CACNA2D4: variants seen among roughly 807,000 people sequenced by gnomAD.
CACNA2D4 encodes the protein voltage-dependent calcium channel subunit alpha-2/delta-4.
A neutral mutation model predicts 163.8 loss-of-function variants in CACNA2D4; 157 were observed. That is an observed-to-expected ratio of 0.96 (90% CI 0.84 to 1.09). CACNA2D4 has a LOEUF of 1.09. Among genes scored for constraint, CACNA2D4 ranks in the 50% least tolerant of loss-of-function variants. The probability of loss-of-function intolerance (pLI) is 0.00; values close to 1 mark genes in which losing one functional copy is unlikely to be tolerated. For synonymous variants in CACNA2D4, 598 were observed against 586.9 expected (o/e 1.02, Z -0.27); for missense variants, 1,410 against 1,479.9 (o/e 0.95, Z 0.78).
At chr12:1,907,654 C>T (rs1300103173) in intron 5 of CACNA2D4, 83 bp from the exon 6 acceptor site, 1 of 898,584 alleles carries the variant, frequency 1.1e-6, no homozygotes, top group Non-Finnish European at 1.4e-6. Flanking sequence ...GCCTGGTGGG[C>T]GTGTCTGGTG....
intron 9 of CACNA2D4, among the ~76,000 whole-genome samples, 190 bp from the exon 10 acceptor site, chr12:1,885,266 CTG>C (rs1239159002): frequency 2.6e-5 from 4 of 152,178 alleles, no homozygotes; most frequent in African/African-American, 7.2e-5. Context: ...CCAAGATAAA[CTG>C]AGAGAGGGGA....
chr12:1,875,176 A>C lies in CACNA2D4; in HGVS notation c.1806+75T>G. 1 of 1,038,052 alleles carries C rather than the reference A, an allele frequency of 9.6e-7. No individual in the cohort carries two copies. Among genetic ancestry groups the C allele is most frequent in the Non-Finnish European group, 1.5e-6 (1 of 659,496 alleles). 64.3% of individuals were successfully genotyped at this position (1,038,052 alleles called of 1,614,324 possible). ...CAGGAACAGAGTGACCTCAAAGCTC[A>C]CAGCCACACAGCTGACCCATTTAGT... On this transcript the variant is annotated intron_variant, in intron 17 of 37. Coordinates refer to ENST00000382722, the MANE Select transcript of CACNA2D4 (RefSeq NM_172364.5). This position sits in a 1 kb window ranked among gnomAD's most constrained non-coding sequence, Gnocchi z 4.0.
rs1316635659 is a variant in CACNA2D4, at chr12:1,879,184, T to TA, written c.1564-149dup. On this transcript the variant is annotated intron_variant, in intron 14 of 37. Coordinates refer to ENST00000382722, the MANE Select transcript of CACNA2D4 (RefSeq NM_172364.5). ...CTGCAATTAGATTCTAGGCTGGGAA[T>TA]AAAAATCTAGACTCTATCAGACGAG... is the stretch of plus-strand genomic sequence containing the variant. 1.1e-5 allele frequency: 7 copies of TA among 619,964 alleles called. No homozygotes were observed. The East Asian group carries it at 1.4e-4, about 12-fold the overall frequency. 38.4% of individuals were successfully genotyped at this position (619,964 alleles called of 1,614,324 possible). A position where few individuals can be genotyped will look rare whatever the true frequency, so the allele number is the denominator to read the frequency against.
chr12:1,794,027 T>C (rs1052576154), intron 37 of CACNA2D4, among the ~76,000 whole-genome samples: 7 of 152,126 alleles, frequency 4.6e-5, no homozygotes, highest in Non-Finnish European at 4.4e-5. Context: ...TCCTCAACTC[T>C]GGGAGCATCT....
rs1863370179 is a variant in CACNA2D4, at chr12:1,802,392, T to C, written c.2722-748A>G. ...ATTTCCAAAAAATAAAACAGGACCC[T>C]CCCTCCTGCCCCCGGCTCCCCTTTT... is the stretch of plus-strand genomic sequence containing the variant. On this transcript the variant is annotated intron_variant, in intron 29 of 37. Transcript: ENST00000382722. This position sits in a 1 kb window ranked among gnomAD's most constrained non-coding sequence, Gnocchi z 4.7. 6.6e-6 allele frequency among the ~76,000 whole-genome samples: 1 copy of C among 152,108 alleles called. No individual in the cohort carries two copies. Among genetic ancestry groups the C allele is most frequent in the South Asian group, 2.1e-4 (1 of 4,828 alleles).
chr12:1,852,049 G>T (rs1377238643), intron 23 of CACNA2D4, among the ~76,000 whole-genome samples: 2 of 152,060 alleles, frequency 1.3e-5, no homozygotes, highest in Non-Finnish European at 2.9e-5. Flanking sequence ...GTAGATAAAG[G>T]CTATTAATTT....
intron 28 of CACNA2D4, 53 bp downstream of exon 28, chr12:1,810,490 G>A (rs374116777): frequency 1.0e-5 from 16 of 1,534,220 alleles, no homozygotes; most frequent in Admixed American, 2.0e-5. Context: ...CAGGAGGACC[G>A]GGCGGAGGGC....
At chr12:1,797,396 C>A in intron 35 of CACNA2D4, 22 bp downstream of exon 35, 1 of 1,489,778 alleles carries the variant, frequency 6.7e-7, no homozygotes, top group Non-Finnish European at 9.0e-7. Context: ...GCGGGACGGG[C>A]GGCGCCGCCC....
At chr12:1,813,982 A>G (rs1863799070) in intron 26 of CACNA2D4, among the ~76,000 whole-genome samples, 1 of 152,156 alleles carries the variant, frequency 6.6e-6, no homozygotes, top group Non-Finnish European at 1.5e-5. Flanking sequence ...CACCCTAGAC[A>G]TTCATTTTAG....
Position 1,918,612 on chromosome 12 carries a change from G to C in CACNA2D4, c.-139C>G. On this transcript the variant is annotated 5_prime_UTR_variant, in exon 1 of 38. Transcript: ENST00000382722. Reference sequence around the variant, plus strand: ...TGCCCCACAGCTGCAGCTCACAGAAGAGTCGCCCCACCTAGCAAGCAGGCC... The same window carrying C: ...TGCCCCACAGCTGCAGCTCACAGAACAGTCGCCCCACCTAGCAAGCAGGCC... 1.6e-6 allele frequency: 1 copy of C among 642,992 alleles called. No homozygotes were observed. Among genetic ancestry groups the C allele is most frequent in the Non-Finnish European group, 2.7e-6 (1 of 373,472 alleles). 39.8% of individuals were successfully genotyped at this position (642,992 alleles called of 1,614,324 possible).
chr12:1,916,037 C>A (rs1042484824), intron 1 of CACNA2D4, among the ~76,000 whole-genome samples: 1 of 152,026 alleles, frequency 6.6e-6, no homozygotes, highest in Non-Finnish European at 1.5e-5. Flanking sequence ...ATCTGAGCTC[C>A]AGGTTAGAAG....
At chr12:1,796,658 GGGA>G (rs1329642011) in intron 35 of CACNA2D4, among the ~76,000 whole-genome samples, 1 of 152,232 alleles carries the variant, frequency 6.6e-6, no homozygotes, top group Non-Finnish European at 1.5e-5. Context: ...CAGGGAGTGG[GGGA>G]GAAGGGAGCC....
At chr12:1,812,078 A>C (rs376583403) in intron 26 of CACNA2D4, among the ~76,000 whole-genome samples, 6 of 152,272 alleles carry the variant, frequency 3.9e-5, no homozygotes, top group South Asian at 4.1e-4. Flanking sequence ...ATAGATGGGA[A>C]TATAGAGGCC....
Position 1,828,336 on chromosome 12 carries a change from T to C in CACNA2D4, c.2551+12403A>G. ...GCTGCAGGGAGGCCTACGCCAGATC[T>C]TCCTGGGGTACCCGAGGCTATGTTC... is the stretch of plus-strand genomic sequence containing the variant. On this transcript the variant is annotated intron_variant, in intron 26 of 37. Transcript: ENST00000382722. This position sits in a 1 kb window ranked among gnomAD's most constrained non-coding sequence, Gnocchi z 4.2. 1.2e-6 allele frequency: 1 copy of C among 868,670 alleles called. No individual in the cohort carries two copies. Among genetic ancestry groups the C allele is most frequent in the Non-Finnish European group, 1.7e-6 (1 of 597,882 alleles). 53.8% of individuals were successfully genotyped at this position (868,670 alleles called of 1,614,324 possible). A position where few individuals can be genotyped will look rare whatever the true frequency, so the allele number is the denominator to read the frequency against.
In CACNA2D4 at chr12:1,874,728, A is replaced by C. The variant is rs1865849733; in HGVS notation, c.1807-53T>G. The C allele has an allele frequency of 1.5e-6, 2 of 1,302,016 alleles. No individual in the cohort carries two copies. Among genetic ancestry groups the C allele is most frequent in the Admixed American group, 3.4e-5 (2 of 58,994 alleles). 80.7% of individuals were successfully genotyped at this position (1,302,016 alleles called of 1,614,324 possible). On this transcript the variant is annotated intron_variant, in intron 17 of 37. Coordinates refer to ENST00000382722, the MANE Select transcript of CACNA2D4 (RefSeq NM_172364.5). This position sits in a 1 kb window ranked among gnomAD's most constrained non-coding sequence, Gnocchi z 4.4. The stretch of plus-strand genomic sequence containing the variant: ...TTCCTTGGCTCACAGGGGATGGTGA[A>C]AGTATGGCATTCTTCAGACCAGATT...
chr12:1,904,316 G>T (rs1866605679), intron 6 of CACNA2D4, among the ~76,000 whole-genome samples: 1 of 151,784 alleles, frequency 6.6e-6, no homozygotes, highest in Non-Finnish European at 1.5e-5. Context: ...GCACAACAGG[G>T]TAACTATAGT....
At chr12:1,851,545 C>T (rs1865278968) in intron 23 of CACNA2D4, among the ~76,000 whole-genome samples, 1 of 151,996 alleles carries the variant, frequency 6.6e-6, no homozygotes, top group Non-Finnish European at 1.5e-5. Flanking sequence ...GGTCTGCCTG[C>T]CTTTTCTTGT....
chr12:1,850,527 C>T (rs1865253235), intron 23 of CACNA2D4, among the ~76,000 whole-genome samples: 1 of 152,094 alleles, frequency 6.6e-6, no homozygotes, highest in Non-Finnish European at 1.5e-5. Flanking sequence ...GTTGCAAACA[C>T]CTTTCCAGTT....
intron 4 of CACNA2D4, among the ~76,000 whole-genome samples, 163 bp from the exon 5 acceptor site, chr12:1,908,200 G>T (rs1302954146): frequency 6.6e-6 from 1 of 152,232 alleles, no homozygotes; most frequent in African/African-American, 2.4e-5. Context: ...TGATCAGGGC[G>T]ATTCGGGACA....
Sources: allele counts gnomAD v4.1 joint callset (sites outside exome capture counted in the v4.1 genomes callset), GRCh38; gene constraint gnomAD v4.1.1; non-coding constraint Gnocchi (gnomAD v3.1); transcripts MANE v1.5; gene names NCBI Gene and HGNC (gene_info 2026-07-23, HGNC 2026-07-21).